Variants in ANKS1B observed in about 807,000 individuals in gnomAD.
ANKS1B encodes the protein ankyrin repeat and sterile alpha motif domain-containing protein 1B.
In ANKS1B, 36 loss-of-function variants were observed where a neutral mutation model predicts 148.3. That is an observed-to-expected ratio of 0.24 (90% CI 0.19 to 0.32). The LOEUF (loss-of-function observed/expected upper bound fraction) is 0.32, where lower values mean the gene tolerates loss of function less well. Among genes scored for constraint, ANKS1B ranks in the 10% least tolerant of loss-of-function variants. The pLI is 1.00. For synonymous variants in ANKS1B, 542 were observed against 560.8 expected, an observed-to-expected ratio of 0.97 and a Z score of 0.47; for missense variants, 1,157 against 1,542.6, an observed-to-expected ratio of 0.75 and a Z score of 4.19.
rs532204926 is a variant in ANKS1B at position 99,678,711 on chromosome 12, TTTAA to T, written c.1129-23505_1129-23502del. Among the ~76,000 whole-genome samples the T allele has an allele frequency of 6.6e-4, 101 of 152,324 alleles. 2 individuals are homozygous for T. The South Asian group carries it at 0.02, about 30-fold the overall frequency. On this transcript the variant is annotated intron_variant, in intron 8 of 26. Transcript: ENST00000683438. ...AGCACTCTGGAGCTAAACACTCCCA[TTTAA>T]TTATTTATTGTTGTTTAATTACCAT...
intron 1 of ANKS1B, among the ~76,000 whole-genome samples, chr12:99,973,392 C>A (rs1478936853): frequency 2.6e-5 from 4 of 152,156 alleles, no homozygotes; most frequent in African/African-American, 7.2e-5. Flanking sequence ...CCAGTCTGGG[C>A]AACATAGGGA....
Position 99,868,458 on chromosome 12 carries a change from C to T in ANKS1B, c.135-43069G>A, listed in dbSNP as rs146816448. ...TGCCACTAACACCATTGTTCTTCAA[C>T]AATTTATTGGAGATCCTAGGCAGTG... On this transcript the variant is annotated intron_variant, in intron 1 of 26. Transcript: ENST00000683438. Among the ~76,000 whole-genome samples the T allele has an allele frequency of 2.4e-3, 371 of 152,146 alleles. 1 individual carries two copies. The highest frequency in any genetic ancestry group is 8.4e-3 in the African/African-American group (348 of 41,506).
chr12:98,818,735 A>G (rs1251444871), intron 19 of ANKS1B, among the ~76,000 whole-genome samples: 1 of 152,198 alleles, frequency 6.6e-6, no homozygotes, highest in Non-Finnish European at 1.5e-5. Context: ...TCTCTTTACA[A>G]TATACATTAT....
rs142340408 is a variant in ANKS1B at position 99,718,184 on chromosome 12, G to A, written c.1128+54738C>T. ...CAAAGTGCTGGGATTACAGGCGTGA[G>A]CCACCGCGCCCAGCCGACAATACTC... On this transcript the variant is annotated intron_variant, in intron 8 of 26. Transcript: ENST00000683438. 7.7e-3 allele frequency among the ~76,000 whole-genome samples: 1,173 copies of A among 152,216 alleles called. 15 individuals carry two copies. Among genetic ancestry groups the A allele is most frequent in the African/African-American group, 0.027 (1,114 of 41,510 alleles).
At chr12:99,801,350 A>G (rs1339050888) in intron 4 of ANKS1B, among the ~76,000 whole-genome samples, 1 of 152,218 alleles carries the variant, frequency 6.6e-6, no homozygotes, top group Non-Finnish European at 1.5e-5. Context: ...ATGAAAACCA[A>G]AAGACAGTCG....
rs145484610 is a variant in ANKS1B, at chr12:99,241,064, A to C, written c.2419+3278T>G. On this transcript the variant is annotated intron_variant, in intron 14 of 26. Coordinates refer to ENST00000683438, the MANE Select transcript of ANKS1B (RefSeq NM_001352186.2). ...ATTAAGATCAGAGCAGAATTGAAGG[A>C]GATAGAGACACAAAAAATCCTTCAC... Among the ~76,000 whole-genome samples the C allele has an allele frequency of 1.8e-3, 279 of 152,342 alleles. 4 individuals carry two copies. Among genetic ancestry groups the C allele is most frequent in the Non-Finnish European group, 1.4e-3 (95 of 68,036 alleles).
At chr12:98,810,615 A>G (rs2153626731) in intron 19 of ANKS1B, among the ~76,000 whole-genome samples, 1 of 152,282 alleles carries the variant, frequency 6.6e-6, no homozygotes, top group South Asian at 2.1e-4. Context: ...AGTTAACACA[A>G]GTATATCTAA....
intron 1 of ANKS1B, among the ~76,000 whole-genome samples, chr12:99,858,861 T>C (rs1397826195): frequency 6.6e-6 from 1 of 152,050 alleles, no homozygotes; most frequent in Non-Finnish European, 1.5e-5. Context: ...TACAATGGAC[T>C]TTGGGAACTC....
chr12:99,287,762 A>C (rs149462079), intron 12 of ANKS1B, among the ~76,000 whole-genome samples: 291 of 152,312 alleles, frequency 1.9e-3, no homozygotes, highest in African/African-American at 6.7e-3. Flanking sequence ...AATTCAATTG[A>C]TGTACAAAGA....
At chr12:99,864,881 G>C (rs1487426750) in intron 1 of ANKS1B, among the ~76,000 whole-genome samples, 1 of 152,210 alleles carries the variant, frequency 6.6e-6, no homozygotes, top group Non-Finnish European at 1.5e-5. Context: ...CACCTGCAAA[G>C]ATCCTGAGTT....
At chr12:99,146,800 C>T (rs555340883) in intron 15 of ANKS1B, among the ~76,000 whole-genome samples, 1 of 152,198 alleles carries the variant, frequency 6.6e-6, no homozygotes, top group African/African-American at 2.4e-5. Flanking sequence ...CCTATGTCTA[C>T]ATGTGTAAAC....
chr12:98,864,861 T>C lies in ANKS1B; in HGVS notation c.2779-32725A>G, dbSNP rs141143820. On this transcript the variant is annotated intron_variant, in intron 17 of 26. Coordinates refer to ENST00000683438, the MANE Select transcript of ANKS1B (RefSeq NM_001352186.2). ...TGTTTGGCCTCATCCTAATCTCCAT[T>C]CCCTCAGTTTCTCTGTTACATCCCT... is the stretch of plus-strand genomic sequence containing the variant. Among the ~76,000 whole-genome samples, 972 of 152,204 alleles carry C rather than the reference T, an allele frequency of 6.4e-3. 15 individuals are homozygous for C. Among genetic ancestry groups the C allele is most frequent in the African/African-American group, 0.022 (895 of 41,528 alleles).
intron 9 of ANKS1B, among the ~76,000 whole-genome samples, chr12:99,513,186 C>T (rs187010818): frequency 2.0e-5 from 3 of 152,036 alleles, no homozygotes; most frequent in East Asian, 1.9e-4. Context: ...CTCATATGAT[C>T]GTTGGCATGT....
intron 12 of ANKS1B, among the ~76,000 whole-genome samples, chr12:99,311,794 A>C (rs1477802190): frequency 1.3e-5 from 2 of 152,126 alleles, no homozygotes; most frequent in African/African-American, 4.8e-5. Context: ...CTCAGTGAGA[A>C]GGAAAGAGGA....
chr12:99,525,324 T>C (rs978764370), intron 9 of ANKS1B, among the ~76,000 whole-genome samples: 7 of 152,194 alleles, frequency 4.6e-5, no homozygotes, highest in East Asian at 1.9e-4. Context: ...TACAATACCA[T>C]TGCAATACAG....
chr12:98,812,397 T>C (rs2099103971), intron 19 of ANKS1B, among the ~76,000 whole-genome samples: 2 of 152,188 alleles, frequency 1.3e-5, no homozygotes, highest in Admixed American at 6.5e-5. Flanking sequence ...GGTGACACCA[T>C]CTCACGTTGG....
At chr12:99,368,744 G>A (rs1171476791) in intron 12 of ANKS1B, among the ~76,000 whole-genome samples, 2 of 152,148 alleles carry the variant, frequency 1.3e-5, no homozygotes, top group Non-Finnish European at 2.9e-5. Flanking sequence ...GATGAAGAGA[G>A]TGATAGAGAG....
At chr12:99,359,186 A>G (rs370202814) in intron 12 of ANKS1B, among the ~76,000 whole-genome samples, 19 of 152,254 alleles carry the variant, frequency 1.2e-4, no homozygotes, top group African/African-American at 3.6e-4. Flanking sequence ...GGGATGAAAT[A>G]TTGCTCTGTT....
At chr12:99,555,240 G>A (rs534095668) in intron 9 of ANKS1B, among the ~76,000 whole-genome samples, 41 of 152,018 alleles carry the variant, frequency 2.7e-4, no homozygotes, top group Non-Finnish European at 5.1e-4. Context: ...CCCAACTACC[G>A]TCCACAATGG....
Sources: gnomAD v4.1 joint callset for allele counts (sites outside exome capture counted in the v4.1 genomes callset) on GRCh38, gnomAD v4.1.1 for gene constraint, MANE v1.5 for transcripts, NCBI Gene and HGNC (gene_info 2026-07-23, HGNC 2026-07-21) for gene names.